Variants in MADD observed in about 807,000 individuals in gnomAD.
MADD encodes the protein MAP kinase activating death domain.
A neutral mutation model predicts 176.7 loss-of-function variants in MADD; 109 were observed. That is an observed-to-expected ratio of 0.62 (90% CI 0.53 to 0.72). MADD has a LOEUF of 0.72. Among genes scored for constraint, MADD ranks in the 30% least tolerant of loss-of-function variants. MADD has a pLI of 0.00. For synonymous variants in MADD, 771 were observed against 771.3 expected, an observed-to-expected ratio of 1.00 and a Z score of 0.01; for missense variants, 1,914 against 2,045.5, an observed-to-expected ratio of 0.94 and a Z score of 1.24.
chr11:47,273,441 C>G lies in MADD; in HGVS notation c.-88-386C>G, dbSNP rs1183689547. 2.0e-5 allele frequency among the ~76,000 whole-genome samples: 3 copies of G among 152,110 alleles called. No individual in the cohort carries two copies. The East Asian group carries it at 5.8e-4, about 29-fold the overall frequency. On this transcript the variant is annotated intron_variant, in intron 1 of 32. Coordinates refer to ENST00000402192, the Ensembl canonical transcript of MADD. The stretch of plus-strand genomic sequence containing the variant: ...ACAGCCTCCACCTCCTGGGTTCAAG[C>G]GATTCTCATGCCTCAGACTCCCGAG...
chr11:47,315,185 G>A, intron 26 of MADD, 35 bp from the exon 30 acceptor site: 1 of 1,312,786 alleles, frequency 7.6e-7, no homozygotes. Context: ...TGAGAGGGAT[G>A]TATGACTGTC....
exon 3 of MADD, chr11:47,274,823 A>C (rs752275461): frequency 6.2e-7 from 1 of 1,614,166 alleles, no homozygotes; most frequent in South Asian, 1.1e-5. Flanking sequence ...ATCTCTAAGG[A>C]GAAGGGGGAA....
intron 25 of MADD, among the ~76,000 whole-genome samples, chr11:47,310,251 G>A (rs1481058079): frequency 6.7e-6 from 1 of 150,112 alleles, no homozygotes; most frequent in Non-Finnish European, 1.5e-5. Context: ...GCACGATCTT[G>A]GCTCACCACA....
intron 29 of MADD, 53 bp downstream of exon 32, chr11:47,324,390 A>C (rs1343336080): frequency 5.0e-6 from 8 of 1,605,996 alleles, no homozygotes; most frequent in Non-Finnish European, 6.8e-6. Flanking sequence ...AGTCCTTCTG[A>C]GTGTCAGGGG....
intron 22 of MADD, among the ~76,000 whole-genome samples, chr11:47,301,409 C>A (rs758963128): frequency 1.3e-5 from 2 of 152,148 alleles, no homozygotes; most frequent in African/African-American, 2.4e-5. Context: ...TGAGCCACCA[C>A]GCCCGGCCTA....
chr11:47,282,632 C>G lies in MADD; in HGVS notation c.1705+16C>G. On this transcript the variant is annotated intron_variant, in intron 9 of 32. Transcript: ENST00000402192. ...ATTCACAACAGTGAGTCTACCTGCC[C>G]TCTGCTCCGCTCTGCCTTGTGCCTC... The G allele has an allele frequency of 6.2e-7, 1 of 1,611,244 alleles. No homozygotes were observed. Among genetic ancestry groups the G allele is most frequent in the Non-Finnish European group, 8.5e-7 (1 of 1,177,608 alleles).
chr11:47,284,365 A>T lies in MADD; in HGVS notation c.1967-10A>T. 2 of 1,614,032 alleles carry T rather than the reference A, an allele frequency of 1.2e-6. No individual in the cohort carries two copies. The highest frequency in any genetic ancestry group is 2.2e-5 in the South Asian group (2 of 91,082). On this transcript the variant is annotated splice_polypyrimidine_tract_variant and intron_variant, in intron 11 of 32. Transcript: ENST00000402192. ...AGTGGTCTGTACCTGCCTCCCTTGG[A>T]TTTTGGCAGATGTGGACCCTCTGAC...
intron 22 of MADD, among the ~76,000 whole-genome samples, chr11:47,300,597 A>G (rs1016951881): frequency 3.3e-5 from 5 of 152,048 alleles, no homozygotes; most frequent in African/African-American, 1.2e-4. Context: ...TCCCAGGTTC[A>G]AGCAATTCTC....
intron 22 of MADD, among the ~76,000 whole-genome samples, chr11:47,307,746 G>A (rs1344999169): frequency 5.3e-5 from 8 of 151,784 alleles, no homozygotes; most frequent in East Asian, 3.9e-4. Flanking sequence ...TTGGCTCACT[G>A]CAACCTCCGC....
chr11:47,296,801 C>G (rs992798885), intron 22 of MADD, among the ~76,000 whole-genome samples: 9 of 134,910 alleles, frequency 6.7e-5, no homozygotes, highest in Non-Finnish European at 1.1e-4. Flanking sequence ...GGGTCTCACT[C>G]TGTTGCCCAG....
exon 26 of MADD, chr11:47,311,751 G>A (rs1321762120): frequency 7.4e-6 from 12 of 1,612,248 alleles, no homozygotes; most frequent in Non-Finnish European, 1.0e-5. Flanking sequence ...AATGACATCC[G>A]CAAGAAGGTG....
At chr11:47,329,439 A>G in exon 33 of MADD, 1 of 416,356 alleles carries the variant, frequency 2.4e-6, no homozygotes, top group Non-Finnish European at 4.5e-6. Flanking sequence ...TGTCCTTGAG[A>G]CATTTGTGTT....
At chr11:47,327,345 G>A (rs1184081108) in intron 31 of MADD, 3 of 985,344 alleles carry the variant, frequency 3.0e-6, no homozygotes, top group East Asian at 1.1e-4. Flanking sequence ...AGGGAGTGGT[G>A]TAGTGGGTTC....
chr11:47,275,051 C>G (rs1309200269), exon 3 of MADD: 2 of 1,614,180 alleles, frequency 1.2e-6, no homozygotes. Context: ...AGCCACTACC[C>G]TTTCTTCTCC....
intron 12 of MADD, 49 bp from the exon 13 acceptor site, chr11:47,284,892 G>C (rs763661103): frequency 6.2e-7 from 1 of 1,603,896 alleles, no homozygotes; most frequent in Admixed American, 1.7e-5. Flanking sequence ...ATTACAGGAA[G>C]GTACCATTGG....
intron 19 of MADD, among the ~76,000 whole-genome samples, chr11:47,291,469 G>A (rs2065235537): frequency 1.3e-5 from 2 of 152,148 alleles, no homozygotes; most frequent in Admixed American, 1.3e-4. Flanking sequence ...TTGAGTCATC[G>A]AGGTTGGATC....
chr11:47,297,588 G>C (rs1264225315), intron 22 of MADD, among the ~76,000 whole-genome samples: 1 of 146,522 alleles, frequency 6.8e-6, no homozygotes, highest in Non-Finnish European at 1.5e-5. Flanking sequence ...CTGGGACTAC[G>C]GGTGCCCGCC....
At chr11:47,276,120 A>G in exon 4 of MADD, 1 of 1,614,062 alleles carries the variant, frequency 6.2e-7, no homozygotes, top group Non-Finnish European at 8.5e-7. Context: ...ACCCTAGTGG[A>G]TTTCCCACTG....
intron 5 of MADD, 120 bp downstream of exon 5, chr11:47,276,983 T>A: frequency 8.0e-7 from 1 of 1,243,792 alleles, no homozygotes; most frequent in Non-Finnish European, 1.1e-6. Flanking sequence ...CTTATTTGTC[T>A]ACAAAATCTG....
Sources: gnomAD v4.1 joint callset for allele counts (sites outside exome capture counted in the v4.1 genomes callset) on GRCh38, gnomAD v4.1.1 for gene constraint, MANE v1.5 for transcripts, NCBI Gene and HGNC (gene_info 2026-07-23, HGNC 2026-07-21) for gene names.